The following STK4 variants were observed in gnomAD, a reference collection of about 807,000 sequenced individuals.
STK4 encodes the protein serine/threonine kinase 4, also known as serine/threonine-protein kinase 4.
STK4 carries 30 observed loss-of-function variants against 64.9 expected under a neutral mutation model. The observed-to-expected ratio is 0.46, with a 90% CI of 0.35 to 0.63. STK4 has a LOEUF of 0.63. Among genes scored for constraint, STK4 ranks in the 20% least tolerant of loss-of-function variants. The probability of loss-of-function intolerance (pLI) is 0.01; values close to 1 mark genes in which losing one functional copy is unlikely to be tolerated. For missense variants in STK4, 466 were observed against 598.5 expected, an observed-to-expected ratio of 0.78 and a Z score of 2.31; for synonymous variants, 177 against 199.0, an observed-to-expected ratio of 0.89 and a Z score of 0.93.
At chr20:45,043,046 C>T (rs2068638379) in intron 10 of STK4, among the ~76,000 whole-genome samples, 1 of 152,148 alleles carries the variant, frequency 6.6e-6, no homozygotes, top group East Asian at 1.9e-4. Context: ...TGTTGTTCCC[C>T]ACCATGTGTC....
chr20:45,045,239 T>C (rs1229092694), intron 10 of STK4, among the ~76,000 whole-genome samples: 1 of 152,174 alleles, frequency 6.6e-6, no homozygotes, highest in African/African-American at 2.4e-5. Context: ...GTTTGTTCTT[T>C]TGTTTGGCAA....
chr20:45,044,573 G>C (rs1165241178), intron 10 of STK4, among the ~76,000 whole-genome samples: 1 of 152,132 alleles, frequency 6.6e-6, no homozygotes, highest in Non-Finnish European at 1.5e-5. Flanking sequence ...AGGCTTGCTT[G>C]AACCCGGGAG....
chr20:44,979,945 G>A (rs1286399761), intron 3 of STK4, among the ~76,000 whole-genome samples: 2 of 152,198 alleles, frequency 1.3e-5, no homozygotes, highest in East Asian at 3.9e-4. Flanking sequence ...TAGACTGTGC[G>A]GGAGCTGTGT....
chr20:44,987,765 GA>G (rs990848568), intron 5 of STK4, among the ~76,000 whole-genome samples: 25 of 135,356 alleles, frequency 1.8e-4, no homozygotes, highest in African/African-American at 3.0e-4. Flanking sequence ...AGTGAAAAAA[GA>G]AAAAAAAAAA....
intron 9 of STK4, among the ~76,000 whole-genome samples, chr20:45,011,731 T>TATTATATATATATATA (rs1428985946): frequency 1.2e-5 from 1 of 81,172 alleles, no homozygotes; most frequent in African/African-American, 5.5e-5. Flanking sequence ...ATATATATAT[T>TATTATATATATATATA]TTTTTTTTTT....
chr20:45,072,550 TTTTG>T (rs941709587), intron 10 of STK4, among the ~76,000 whole-genome samples: 12 of 152,184 alleles, frequency 7.9e-5, no homozygotes, highest in South Asian at 2.1e-4. Flanking sequence ...GGGCACTGCT[TTTTG>T]TTTGTTTGTT....
At chr20:45,074,879 C>A in intron 10 of STK4, 139 bp from the exon 11 acceptor site, 1 of 942,252 alleles carries the variant, frequency 1.1e-6, no homozygotes, top group Non-Finnish European at 1.6e-6. Context: ...TTCCAACCAC[C>A]ACCACTCAAC....
rs568523916 is a variant in STK4 at position 45,030,013 on chromosome 20, G to A, written c.1305+4883G>A. Among the ~76,000 whole-genome samples the A allele has an allele frequency of 3.5e-4, 53 of 152,160 alleles. 1 individual carries two copies. Among genetic ancestry groups the A allele is most frequent in the African/African-American group, 1.2e-3 (51 of 41,516 alleles). On this transcript the variant is annotated intron_variant, in intron 10 of 10. Transcript: ENST00000372806. Reference sequence around the variant, plus strand: ...GTAAGTGACATCTGGCAAATAAAGAGCTAGTCCTTTGAGTGAAGAAAGTTC... The same window carrying A: ...GTAAGTGACATCTGGCAAATAAAGAACTAGTCCTTTGAGTGAAGAAAGTTC...
At chr20:45,062,579 GC>G (rs1168153732) in intron 10 of STK4, among the ~76,000 whole-genome samples, 1 of 152,080 alleles carries the variant, frequency 6.6e-6, no homozygotes, top group Non-Finnish European at 1.5e-5. Flanking sequence ...CCACAACCTC[GC>G]CAGCATCTGT....
chr20:45,045,282 G>A (rs1184734448), intron 10 of STK4, among the ~76,000 whole-genome samples: 2 of 152,214 alleles, frequency 1.3e-5, no homozygotes, highest in East Asian at 3.9e-4. Flanking sequence ...TAGCAGGGTG[G>A]GGTTTCTTAT....
intron 5 of STK4, among the ~76,000 whole-genome samples, chr20:44,992,705 T>C (rs2067657016): frequency 1.3e-5 from 2 of 152,150 alleles, no homozygotes; most frequent in East Asian, 1.9e-4. Context: ...GTTTTTTGTT[T>C]TTTGTTTTTG....
chr20:45,067,368 C>G (rs559520168), intron 10 of STK4, among the ~76,000 whole-genome samples: 1 of 152,310 alleles, frequency 6.6e-6, no homozygotes, highest in African/African-American at 2.4e-5. Context: ...AGAATTGTGA[C>G]TGTTCATATA....
chr20:45,064,356 C>G (rs1482119664), intron 10 of STK4, among the ~76,000 whole-genome samples: 3 of 151,856 alleles, frequency 2.0e-5, no homozygotes, highest in African/African-American at 7.3e-5. Context: ...TTTGGTTAAA[C>G]CAACTTCAAA....
chr20:45,037,126 C>T (rs766634354), intron 10 of STK4, among the ~76,000 whole-genome samples: 9 of 152,028 alleles, frequency 5.9e-5, no homozygotes, highest in Non-Finnish European at 1.2e-4. Context: ...CCATAAAGTA[C>T]ATAAAGAAGG....
intron 5 of STK4, among the ~76,000 whole-genome samples, chr20:44,992,778 T>A (rs558647444): frequency 7.6e-4 from 115 of 152,254 alleles, no homozygotes; most frequent in African/African-American, 2.7e-3. Context: ...CACTGTAACC[T>A]TCACCTCCCA....
intron 10 of STK4, among the ~76,000 whole-genome samples, chr20:45,028,888 TA>T (rs2068398100): frequency 6.6e-6 from 1 of 152,154 alleles, no homozygotes; most frequent in South Asian, 2.1e-4. Flanking sequence ...TAGGAGCTTT[TA>T]GAGAGAGTAC....
At chr20:45,025,186 C>T in intron 10 of STK4, 56 bp downstream of exon 10, 1 of 1,552,850 alleles carries the variant, frequency 6.4e-7, no homozygotes, top group Non-Finnish European at 8.7e-7. Context: ...TTTGAAATAT[C>T]ACACATTAGT....
intron 7 of STK4, among the ~76,000 whole-genome samples, chr20:44,998,353 A>T (rs766057853): frequency 6.6e-6 from 1 of 152,200 alleles, no homozygotes; most frequent in Non-Finnish European, 1.5e-5. Context: ...AAATGGGGAT[A>T]CAGTACCTGC....
intron 9 of STK4, among the ~76,000 whole-genome samples, chr20:45,007,597 T>G (rs2067971562): frequency 6.6e-6 from 1 of 152,108 alleles, no homozygotes; most frequent in Non-Finnish European, 1.5e-5. Flanking sequence ...TATGCTCTCT[T>G]CATTCCACAG....
Sources: gnomAD v4.1 joint callset for allele counts (sites outside exome capture counted in the v4.1 genomes callset) on GRCh38, gnomAD v4.1.1 for gene constraint, MANE v1.5 for transcripts, NCBI Gene and HGNC (gene_info 2026-07-23, HGNC 2026-07-21) for gene names.